The following TRMT11 variants were observed in gnomAD, a reference collection of about 807,000 sequenced individuals.
TRMT11 encodes tRNA methyltransferase 11.
In TRMT11, 53 loss-of-function variants were observed where a neutral mutation model predicts 62.8. The ratio of observed to expected loss-of-function variants is 0.84; its 90% CI spans 0.68 to 1.06. The LOEUF is 1.06. TRMT11 is among the 50% of genes least tolerant of loss of function. The pLI is 0.00. For missense variants in TRMT11, 556 were observed against 553.4 expected (o/e 1.00, Z -0.05); for synonymous variants, 188 against 190.3 (o/e 0.99, Z 0.10).
chr6:126,173,157 C>T (rs1023294698), upstream of TRMT11, among the ~76,000 whole-genome samples: 3 of 151,974 alleles, frequency 2.0e-5, no homozygotes, highest in Non-Finnish European at 4.4e-5. Context: ...AAGGAGCTAA[C>T]ATTCTATTCT....
rs1347698105 is a variant in TRMT11 at position 126,165,407 on chromosome 6, A to C, written c.*1824-9418A>C. 2.0e-5 allele frequency among the ~76,000 whole-genome samples: 3 copies of C among 152,096 alleles called. No homozygotes were observed. In the East Asian group the frequency reaches 5.8e-4, roughly 29 times the overall value. On this transcript the variant is annotated intron_variant and NMD_transcript_variant, in intron 21 of 22. Coordinates refer to the TRMT11 transcript ENST00000648977. ...TCTTTACATTTCAGTATGTTTTTGC[A>C]GTGGCTGATAATGGTTTTTCCTTTC...
At chr6:126,132,762 G>A (rs1777799839) in intron 21 of TRMT11, among the ~76,000 whole-genome samples, 1 of 151,976 alleles carries the variant, frequency 6.6e-6, no homozygotes, top group Non-Finnish European at 1.5e-5. Context: ...AGAACTCAGG[G>A]TGGGTGTGGT....
chr6:126,266,555 T>C, the TRMT11 span, among the ~76,000 whole-genome samples: 1 of 152,168 alleles, frequency 6.6e-6, no homozygotes, highest in South Asian at 2.1e-4. Flanking sequence ...TGTTAATCTC[T>C]TAATATGGGA....
chr6:126,017,718 C>T (rs916548687), intron 11 of TRMT11, among the ~76,000 whole-genome samples: 8 of 152,208 alleles, frequency 5.3e-5, no homozygotes, highest in African/African-American at 1.9e-4. Flanking sequence ...ATCCTCTGTG[C>T]TCTCATAATA....
rs963487101 is a variant in TRMT11, at chr6:126,154,796, C to T, written c.*1824-20029C>T. ...CTCCTGGTTCCTGCAGGTCTTGGCCCAGTGGTGCCTGGGCTTGCCTGGTCC... is the reference window on the plus strand; with the variant it reads ...CTCCTGGTTCCTGCAGGTCTTGGCCTAGTGGTGCCTGGGCTTGCCTGGTCC... On this transcript the variant is annotated intron_variant and NMD_transcript_variant, in intron 21 of 22. Transcript: ENST00000648977. Among the ~76,000 whole-genome samples the T allele has an allele frequency of 3.3e-5, 5 of 152,256 alleles. No individual in the cohort carries two copies. In the South Asian group the frequency reaches 6.2e-4, roughly 19 times the overall value.
At chr6:126,180,777 G>C (rs1480466123) in intron 1 of TRMT11, among the ~76,000 whole-genome samples, 1 of 152,140 alleles carries the variant, frequency 6.6e-6, no homozygotes, top group Admixed American at 6.6e-5. Flanking sequence ...ACGAGTCATG[G>C]GAATTGCTTG....
rs1776243667 is a variant in TRMT11 at position 126,052,342 on chromosome 6, A to C, written c.*1370-781A>C. On this transcript the variant is annotated intron_variant and NMD_transcript_variant, in intron 16 of 22. Coordinates refer to the TRMT11 transcript ENST00000648977. ...CCAGACGCAGAAAAAGAAAAACCCAAAGGGTTTTCCTTTCCTCTCATCCTT... is the reference window on the plus strand; with the variant it reads ...CCAGACGCAGAAAAAGAAAAACCCACAGGGTTTTCCTTTCCTCTCATCCTT... Among the ~76,000 whole-genome samples, 3 of 152,178 alleles carry C rather than the reference A, an allele frequency of 2.0e-5. No individual in the cohort carries two copies. In the South Asian group the frequency reaches 6.2e-4, roughly 32 times the overall value.
chr6:125,990,323 A>C lies in TRMT11; in HGVS notation c.73-3434A>C, dbSNP rs561525912. Reference sequence around the variant, plus strand: ...AGCATGAGGAATCTAGGTTGGGTTTAACTCATTTTCAGGTGTTAAGCCCTG... The same window carrying C: ...AGCATGAGGAATCTAGGTTGGGTTTCACTCATTTTCAGGTGTTAAGCCCTG... On this transcript the variant is annotated intron_variant, in intron 1 of 12. Transcript: ENST00000334379. 9.2e-5 allele frequency among the ~76,000 whole-genome samples: 14 copies of C among 152,306 alleles called. No homozygotes were observed. The East Asian group carries it at 2.5e-3, about 27-fold the overall frequency.
chr6:126,157,654 A>T (rs1778136648), intron 21 of TRMT11, among the ~76,000 whole-genome samples: 1 of 152,216 alleles, frequency 6.6e-6, no homozygotes, highest in South Asian at 2.1e-4. Flanking sequence ...AAGATTAATC[A>T]TCCAGTACAT....
intron 17 of TRMT11, among the ~76,000 whole-genome samples, chr6:126,073,850 G>A (rs1776932178): frequency 6.6e-6 from 1 of 152,132 alleles, no homozygotes; most frequent in Admixed American, 6.5e-5. Flanking sequence ...AGTTCAGCAT[G>A]GCTGGGGAGG....
downstream of TRMT11, among the ~76,000 whole-genome samples, chr6:126,207,477 T>C (rs900730597): frequency 2.0e-5 from 3 of 152,246 alleles, no homozygotes; most frequent in Admixed American, 6.5e-5. Context: ...GTCTTAATTC[T>C]CTTTGGCCTT....
chr6:126,182,874 C>G (rs1778483200), intron 1 of TRMT11, among the ~76,000 whole-genome samples: 1 of 152,120 alleles, frequency 6.6e-6, no homozygotes, highest in Admixed American at 6.6e-5. Context: ...TGCCCAGTCA[C>G]TAGGTATCAG....
At chr6:126,118,302 T>G (rs1777613120) in intron 21 of TRMT11, among the ~76,000 whole-genome samples, 1 of 152,102 alleles carries the variant, frequency 6.6e-6, no homozygotes, top group South Asian at 2.1e-4. Flanking sequence ...CAGTCCTTAG[T>G]CATTTCTAGT....
At chr6:126,196,781 T>G (rs1386977079) in intron 1 of TRMT11, among the ~76,000 whole-genome samples, 6 of 152,148 alleles carry the variant, frequency 3.9e-5, no homozygotes, top group Non-Finnish European at 8.8e-5. Flanking sequence ...TAAGTTTCAT[T>G]TAAAAATTCA....
chr6:125,999,493 A>G lies in TRMT11; in HGVS notation c.559A>G (p.Ser187Gly). Residue 187 changes from serine to glycine, a missense_variant, in exon 7 of 13, where the codon AGT (serine) becomes GGT (glycine). Coordinates refer to ENST00000334379, the MANE Select transcript of TRMT11 (RefSeq NM_001031712.3). ...ACAGAGAGAGCTTATTGAGTCATAC[A>G]GTGTCAAAAAGAGACACTTTATTGG... Reference protein sequence around the residue: ...DGQRELIESYSVKKRHFIGNT... With the variant: ...DGQRELIESYGVKKRHFIGNT... 1.9e-6 allele frequency: 3 copies of G among 1,610,760 alleles called. No homozygotes were observed. Among genetic ancestry groups the G allele is most frequent in the South Asian group, 1.1e-5 (1 of 90,698 alleles).
intron 12 of TRMT11, among the ~76,000 whole-genome samples, chr6:126,038,137 A>C (rs1174438787): frequency 6.6e-6 from 1 of 152,044 alleles, no homozygotes; most frequent in African/African-American, 2.4e-5. Context: ...TGTGAAGTCT[A>C]CAAGTATGGA....
rs1199202335 is a variant in TRMT11, at chr6:126,093,629, A to ATTTTTTT, written c.*1438-19236_*1438-19235insTTTTTTT. On this transcript the variant is annotated intron_variant and NMD_transcript_variant, in intron 17 of 22. Transcript: ENST00000648977. ...TATATATATATATATATATATATAT[A>ATTTTTTT]TATTTTCCCCCAGTCCTGGAGGATC... Among the ~76,000 whole-genome samples, 34 of 94,028 alleles carry ATTTTTTT rather than the reference A, an allele frequency of 3.6e-4. 2 individuals carry two copies. The highest frequency in any genetic ancestry group is 1.6e-3 in the African/African-American group (34 of 21,818). The allele number at this position is 94,028 out of a possible 152,430, so 61.7% of individuals were successfully genotyped here. A position where few individuals can be genotyped will look rare whatever the true frequency, so the allele number is the denominator to read the frequency against.
At chr6:126,055,059 G>T (rs1187712649) in intron 17 of TRMT11, among the ~76,000 whole-genome samples, 1 of 152,082 alleles carries the variant, frequency 6.6e-6, no homozygotes, top group Non-Finnish European at 1.5e-5. Flanking sequence ...CAACTTCCTG[G>T]GTTTAAGCAA....
At chr6:126,230,662 C>T in the TRMT11 span, among the ~76,000 whole-genome samples, 3 of 152,194 alleles carry the variant, frequency 2.0e-5, no homozygotes, top group South Asian at 6.2e-4. Flanking sequence ...TTAACTGCAT[C>T]GGATATTTTT....
Sources: gnomAD v4.1 joint callset for allele counts (sites outside exome capture counted in the v4.1 genomes callset) on GRCh38, gnomAD v4.1.1 for gene constraint, MANE v1.5 for transcripts, NCBI Gene and HGNC (gene_info 2026-07-23, HGNC 2026-07-21) for gene names.